The following RPSA2 variants were observed in gnomAD, a reference collection of about 807,000 sequenced individuals.
The protein encoded by RPSA2 is ribosomal protein SA 2.
At chr19:23,784,200 G>A in the RPSA2 span, among the ~76,000 whole-genome samples, 1 of 152,178 alleles carries the variant, frequency 6.6e-6, no homozygotes, top group African/African-American at 2.4e-5. Flanking sequence ...CTGTACAAAT[G>A]TCATAGAGAA....
chr19:23,843,972 T>C, the RPSA2 span, among the ~76,000 whole-genome samples: 1 of 152,278 alleles, frequency 6.6e-6, no homozygotes, highest in East Asian at 1.9e-4. Flanking sequence ...TTGTCCAGCC[T>C]GGTCTCCAAC....
At chr19:23,766,925 A>AT in the RPSA2 span, among the ~76,000 whole-genome samples, 1 of 151,640 alleles carries the variant, frequency 6.6e-6, no homozygotes, top group African/African-American at 2.4e-5. Context: ...AGGCCGGCTA[A>AT]TTTTTTGAAT....
At chr19:23,799,927 T>G in the RPSA2 span, among the ~76,000 whole-genome samples, 1 of 152,350 alleles carries the variant, frequency 6.6e-6, no homozygotes, top group Admixed American at 6.5e-5. Flanking sequence ...TGTGAACTAT[T>G]TATGGTAACC....
chr19:23,843,940 G>A, the RPSA2 span, among the ~76,000 whole-genome samples: 1 of 152,190 alleles, frequency 6.6e-6, no homozygotes, highest in Admixed American at 6.5e-5. Flanking sequence ...TGTATTTTTA[G>A]TAGAGATGGG....
the RPSA2 span, among the ~76,000 whole-genome samples, chr19:23,821,861 C>T: frequency 3.3e-5 from 5 of 152,300 alleles, no homozygotes; most frequent in Admixed American, 2.0e-4. Flanking sequence ...TGAGGGCTGC[C>T]GCTAACAGGT....
the RPSA2 span, among the ~76,000 whole-genome samples, chr19:23,761,923 T>TCTTTC: frequency 2.0e-4 from 13 of 63,550 alleles, no homozygotes; most frequent in Admixed American, 2.4e-4. Context: ...TTTCTTTCTT[T>TCTTTC]TTTTTTTTTT....
At chr19:23,808,272 A>AAATTTTTTTT in the RPSA2 span, among the ~76,000 whole-genome samples, 1 of 126,930 alleles carries the variant, frequency 7.9e-6, no homozygotes, top group Non-Finnish European at 1.6e-5. Flanking sequence ...TACAAAATTA[A>AAATTTTTTTT]TTTTTTTTTT....
At chr19:23,851,876 G>A in the RPSA2 span, among the ~76,000 whole-genome samples, 1 of 152,172 alleles carries the variant, frequency 6.6e-6, no homozygotes, top group African/African-American at 2.4e-5. Context: ...TCAGCCAAGT[G>A]AATTTTCCAC....
the RPSA2 span, among the ~76,000 whole-genome samples, chr19:23,814,523 A>G: frequency 6.6e-6 from 1 of 152,150 alleles, no homozygotes; most frequent in Non-Finnish European, 1.5e-5. Context: ...ATCAGAAATT[A>G]TAATGCACCT....
chr19:23,820,874 G>A, the RPSA2 span, among the ~76,000 whole-genome samples: 21 of 152,172 alleles, frequency 1.4e-4, no homozygotes, highest in Admixed American at 9.2e-4. Context: ...CTGCATACCC[G>A]GCCCATTGGA....
the RPSA2 span, among the ~76,000 whole-genome samples, chr19:23,782,680 T>C: frequency 6.6e-6 from 1 of 152,154 alleles, no homozygotes; most frequent in Non-Finnish European, 1.5e-5. Flanking sequence ...AATGTGACTC[T>C]TTTCTTCTGG....
At chr19:23,812,677 G>A in the RPSA2 span, among the ~76,000 whole-genome samples, 1 of 152,064 alleles carries the variant, frequency 6.6e-6, no homozygotes, top group Non-Finnish European at 1.5e-5. Flanking sequence ...GGGATTGCAG[G>A]CATTAGCCAC....
chr19:23,842,263 A>G, the RPSA2 span, among the ~76,000 whole-genome samples: 5 of 152,204 alleles, frequency 3.3e-5, no homozygotes, highest in Admixed American at 3.3e-4. Flanking sequence ...TAATCTAAAT[A>G]TGGCATTCAG....
the RPSA2 span, among the ~76,000 whole-genome samples, chr19:23,760,667 A>T: frequency 1.0e-5 from 1 of 96,960 alleles, no homozygotes; most frequent in African/African-American, 3.6e-5. Flanking sequence ...ATATATATAT[A>T]TATTTTTTTT....
At chr19:23,838,168 G>A in the RPSA2 span, among the ~76,000 whole-genome samples, 2 of 152,074 alleles carry the variant, frequency 1.3e-5, no homozygotes, top group Non-Finnish European at 2.9e-5. Context: ...GTTGGATTTT[G>A]TTGAATGTTT....
At chr19:23,812,856 G>A in the RPSA2 span, among the ~76,000 whole-genome samples, 3 of 151,880 alleles carry the variant, frequency 2.0e-5, no homozygotes, top group African/African-American at 7.3e-5. Context: ...TTTATAATTT[G>A]GTATTTTTTT....
chr19:23,831,986 GA>G, the RPSA2 span: 1 of 384,382 alleles, frequency 2.6e-6, no homozygotes, highest in South Asian at 2.5e-5. Flanking sequence ...AAAAAATGTG[GA>G]AAAACCTTTA....
At chr19:23,775,487 A>G in the RPSA2 span, among the ~76,000 whole-genome samples, 1 of 152,252 alleles carries the variant, frequency 6.6e-6, no homozygotes, top group African/African-American at 2.4e-5. Flanking sequence ...TGCGACTCTC[A>G]CGTGTACCTT....
chr19:23,804,580 C>T, the RPSA2 span, among the ~76,000 whole-genome samples: 1 of 151,564 alleles, frequency 6.6e-6, no homozygotes, highest in African/African-American at 2.4e-5. Context: ...CAGGCGTGAG[C>T]CACCGCGTCC....
Sources: gnomAD v4.1 joint callset for allele counts (sites outside exome capture counted in the v4.1 genomes callset) on GRCh38, gnomAD v4.1.1 for gene constraint, MANE v1.5 for transcripts, NCBI Gene and HGNC (gene_info 2026-07-23, HGNC 2026-07-21) for gene names.